Variants in URI1 observed in about 807,000 individuals in gnomAD.
URI1 encodes the protein URI1 prefoldin like chaperone, also known as unconventional prefoldin RPB5 interactor 1.
Under a neutral mutation model 60.2 loss-of-function variants are expected in URI1, and 39 were observed. The ratio of observed to expected loss-of-function variants is 0.65; its 90% CI spans 0.50 to 0.85. URI1 has a LOEUF of 0.85. Ranked by LOEUF, URI1 falls within the 40% of genes least tolerant of loss-of-function variation. URI1 has a pLI of 0.00. For missense variants in URI1, 691 were observed against 665.9 expected (o/e 1.04, Z -0.42); for synonymous variants, 251 against 236.8 (o/e 1.06, Z -0.55).
chr19:29,986,531 C>T, intron 4 of URI1, 114 bp downstream of exon 4: 3 of 1,312,220 alleles, frequency 2.3e-6, no homozygotes, highest in Non-Finnish European at 3.1e-6. Context: ...TGAATCCAGG[C>T]TGTTTGTGAT....
intron 1 of URI1, among the ~76,000 whole-genome samples, chr19:29,970,126 G>C (rs2055439815): frequency 1.0e-5 from 1 of 98,268 alleles, no homozygotes; most frequent in Admixed American, 1.0e-4. Flanking sequence ...AAAATCGTGT[G>C]TATTTTTTTT....
chr19:30,007,538 G>A lies in URI1; in HGVS notation c.586G>A (p.Ala196Thr). The part of the protein sequence containing the change: ...KTSDIFEADI[A>T]NDVKSKDLLA... Reference sequence around the variant, plus strand: ...TTCAGATATTTTTGAAGCAGATATTGCAAATGATGTGAAATCCAAGGATTT... The same window carrying A: ...TTCAGATATTTTTGAAGCAGATATTACAAATGATGTGAAATCCAAGGATTT... The change falls in exon 7 of 11, where the codon GCA (alanine) becomes ACA (threonine). Residue 196 changes from alanine to threonine, a missense_variant. Ala to Thr is a moderately conservative substitution (Grantham distance 58). Transcript: ENST00000392271. 6.2e-7 allele frequency: 1 copy of A among 1,613,442 alleles called. No homozygotes were observed.
chr19:29,960,782 C>G (rs1459362677), intron 1 of URI1, among the ~76,000 whole-genome samples: 1 of 152,020 alleles, frequency 6.6e-6, no homozygotes, highest in Non-Finnish European at 1.5e-5. Context: ...ATTTTATCAC[C>G]TTTCTATTAG....
At chr19:30,001,073 T>C (rs2055872270) in intron 4 of URI1, among the ~76,000 whole-genome samples, 1 of 151,904 alleles carries the variant, frequency 6.6e-6, no homozygotes, top group South Asian at 2.1e-4. Context: ...TTGTTTTTTC[T>C]TTTAAAGTTT....
chr19:30,007,392 G>A (rs1445687560), intron 6 of URI1, 78 bp from the exon 7 acceptor site: 3 of 1,483,388 alleles, frequency 2.0e-6, no homozygotes, highest in Non-Finnish European at 2.7e-6. Flanking sequence ...TGCCCCAAAA[G>A]AAAGTCTCAT....
At chr19:29,987,834 A>G (rs1448362386) in intron 4 of URI1, among the ~76,000 whole-genome samples, 1 of 152,196 alleles carries the variant, frequency 6.6e-6, no homozygotes, top group African/African-American at 2.4e-5. Flanking sequence ...TGGGATCAAT[A>G]TTTATCTAAA....
rs1018047606 is a variant in URI1 at position 29,954,584 on chromosome 19, G to A, written c.117+11920G>A. On this transcript the variant is annotated intron_variant, in intron 1 of 10. Transcript: ENST00000392271. The stretch of plus-strand genomic sequence containing the variant: ...GGCTGGAGTGCAGTGGCGCAATCTC[G>A]GCTCACTGCAACCTCCACATCCCAG... Among the ~76,000 whole-genome samples, 7 of 141,102 alleles carry A rather than the reference G, an allele frequency of 5.0e-5. 1 individual carries two copies. The South Asian group carries it at 1.5e-3, about 31-fold the overall frequency. The allele number at this position is 141,102 out of a possible 152,430, so 92.6% of individuals were successfully genotyped here. A position where few individuals can be genotyped will look rare whatever the true frequency, so the allele number is the denominator to read the frequency against.
chr19:29,986,354 G>A lies in URI1; in HGVS notation c.304G>A (p.Asp102Asn), dbSNP rs747895169. The stretch of plus-strand genomic sequence containing the variant: ...TAATGAAGTCACTGTTTTACTGGGG[G>A]ACAACTGGTTTGCAAAGTGCTCAGC... ...HTNEVTVLLG[D>N]NWFAKCSAKQ... Residue 102 changes from aspartate (D) to asparagine (N), a missense_variant, in exon 4 of 11, where the codon GAC (aspartate) becomes AAC (asparagine). Transcript: ENST00000392271. 1.2e-6 allele frequency: 2 copies of A among 1,610,664 alleles called. No individual in the cohort carries two copies. The highest frequency in any genetic ancestry group is 1.7e-5 in the Admixed American group (1 of 58,548).
At chr19:29,992,349 C>T (rs778959918) in intron 4 of URI1, among the ~76,000 whole-genome samples, 10 of 152,310 alleles carry the variant, frequency 6.6e-5, no homozygotes, top group African/African-American at 1.4e-4. Flanking sequence ...GGTTTACAGG[C>T]GTGAGCCACT....
At chr19:29,956,762 T>C in intron 1 of URI1, 3 of 1,592,784 alleles carry the variant, frequency 1.9e-6, no homozygotes, top group Non-Finnish European at 2.6e-6. Flanking sequence ...GTTCTGTACA[T>C]GACTACAAAT....
chr19:29,959,625 G>A (rs973603913), intron 1 of URI1, among the ~76,000 whole-genome samples: 1 of 152,112 alleles, frequency 6.6e-6, no homozygotes, highest in African/African-American at 2.4e-5. Context: ...TCCTTTCTAA[G>A]TTTTCAAGCT....
At chr19:29,931,415 C>G (rs1485415159) in intron 1 of URI1, among the ~76,000 whole-genome samples, 2 of 152,162 alleles carry the variant, frequency 1.3e-5, no homozygotes, top group African/African-American at 4.8e-5. Context: ...GATGGTCTTT[C>G]CTTGCATGCA....
At chr19:29,968,518 A>G (rs2055416988) in intron 1 of URI1, among the ~76,000 whole-genome samples, 1 of 149,464 alleles carries the variant, frequency 6.7e-6, no homozygotes, top group Non-Finnish European at 1.5e-5. Flanking sequence ...ATTTGTTTTT[A>G]TAACACCTTC....
chr19:29,946,452 A>G (rs532387433), intron 1 of URI1, among the ~76,000 whole-genome samples: 1 of 152,294 alleles, frequency 6.6e-6, no homozygotes, highest in East Asian at 1.9e-4. Context: ...AATATTTTAA[A>G]AAGTGGTGGA....
At position 29,968,326 on chromosome 19, in the gene URI1, G is replaced by A. The variant is rs563102340; in HGVS notation, c.118-2867G>A. On this transcript the variant is annotated intron_variant, in intron 1 of 10. Coordinates refer to ENST00000392271, the MANE Select transcript of URI1 (RefSeq NM_003796.3). ...GTTCTTCCATTGTGGTCTTACTTTT[G>A]TGGAGGACAACAAAGTAATGAAATG... Among the ~76,000 whole-genome samples, 28 of 152,128 alleles carry A rather than the reference G, an allele frequency of 1.8e-4. No homozygotes were observed. In the South Asian group the frequency reaches 5.6e-3, roughly 30 times the overall value.
intron 1 of URI1, among the ~76,000 whole-genome samples, chr19:29,970,147 TTTTTTTTTTG>T (rs2055441033): frequency 7.3e-6 from 1 of 136,476 alleles, no homozygotes. Context: ...TTTTTTTTTT[TTTTTTTTTTG>T]CTGGGACGGG....
At chr19:29,946,497 A>T (rs924977281) in intron 1 of URI1, among the ~76,000 whole-genome samples, 1 of 152,194 alleles carries the variant, frequency 6.6e-6, no homozygotes, top group Non-Finnish European at 1.5e-5. Flanking sequence ...TTTGCAGGAT[A>T]ATAGTAAGAT....
rs757297435 is a variant in URI1, at chr19:30,015,574, T to C, written c.*505T>C. ...TTGGCTATTCAAGAAACCTCGCCCCTCTGAATGTCATACTGTAATCTTTAA... is the reference window on the plus strand; with the variant it reads ...TTGGCTATTCAAGAAACCTCGCCCCCCTGAATGTCATACTGTAATCTTTAA... On this transcript the variant is annotated 3_prime_UTR_variant, in exon 11 of 11. Coordinates refer to ENST00000392271, the MANE Select transcript of URI1 (RefSeq NM_003796.3). The C allele has an allele frequency of 6.5e-7, 1 of 1,534,190 alleles. No homozygotes were observed.
At chr19:29,927,845 G>T (rs1461208429) in intron 1 of URI1, among the ~76,000 whole-genome samples, 1 of 151,916 alleles carries the variant, frequency 6.6e-6, no homozygotes, top group Non-Finnish European at 1.5e-5. Context: ...CCAAAATGCT[G>T]GGATTAGGCG....
Sources: allele counts gnomAD v4.1 joint callset (sites outside exome capture counted in the v4.1 genomes callset), GRCh38; gene constraint gnomAD v4.1.1; transcripts MANE v1.5; gene names NCBI Gene and HGNC (gene_info 2026-07-23, HGNC 2026-07-21).